Variants in NIN observed in about 807,000 individuals in gnomAD.
NIN encodes ninein.
In NIN, 137 loss-of-function variants were observed where a neutral mutation model predicts 257.6. That is an observed-to-expected ratio of 0.53 (90% CI 0.46 to 0.61). NIN has a LOEUF of 0.61. Among genes scored for constraint, NIN ranks in the 20% least tolerant of loss-of-function variants. NIN has a pLI of 0.00. For missense variants in NIN, 2,439 were observed against 2,501.2 expected (o/e 0.98, Z 0.53); for synonymous variants, 918 against 919.8 (o/e 1.00, Z 0.04).
intron 30 of NIN, among the ~76,000 whole-genome samples, chr14:50,725,280 A>G (rs1340690262): frequency 2.0e-5 from 3 of 152,014 alleles, no homozygotes; most frequent in Non-Finnish European, 2.9e-5. Flanking sequence ...GAGAGGCTAT[A>G]ACACTCTCCC....
At chr14:50,826,968 T>C (rs986025926) in intron 2 of NIN, among the ~76,000 whole-genome samples, 1 of 152,300 alleles carries the variant, frequency 6.6e-6, no homozygotes, top group East Asian at 1.9e-4. Context: ...CAGTGACTCA[T>C]TTACTTACTC....
chr14:50,767,433 C>T (rs1020401006), intron 12 of NIN, among the ~76,000 whole-genome samples: 1 of 152,110 alleles, frequency 6.6e-6, no homozygotes. Context: ...AAAATATTCT[C>T]AATACATAAT....
In NIN at chr14:50,758,330, T is replaced by C; in HGVS notation, c.2700A>G (p.Thr900=). The C allele has an allele frequency of 6.2e-7, 1 of 1,614,266 alleles. No individual in the cohort carries two copies. Among genetic ancestry groups the C allele is most frequent in the Non-Finnish European group, 8.5e-7 (1 of 1,180,044 alleles). ...CCATGCTGTTCAAATGTTCTTTGTA[T>C]GTTTTCTCCAGCATCTCTCTCTCCT... is the stretch of plus-strand genomic sequence containing the variant. ...LTQEREMLEK[T]YKEHLNSMVV... Residue 900 remains threonine, a synonymous_variant, in exon 18 of 31, where the codon ACA becomes ACG. Transcript: ENST00000530997.
chr14:50,762,309 G>A (rs2042303778), intron 15 of NIN, among the ~76,000 whole-genome samples: 1 of 152,158 alleles, frequency 6.6e-6, no homozygotes, highest in African/African-American at 2.4e-5. Context: ...AACAAATACT[G>A]AATGACGATG....
In NIN at chr14:50,744,248, C is replaced by T. The variant is rs751695141; in HGVS notation, c.5182G>A (p.Asp1728Asn). Residue 1728 changes from aspartate (D) to asparagine (N), a missense_variant, in exon 23 of 31, where the codon GAT becomes AAT. By Grantham distance (23) the Asp-to-Asn change is conservative (BLOSUM62 1). This residue lies in a region of NIN where 2,043 missense variants were observed against 2,050.2 expected (regional missense o/e 1.00). Coordinates refer to ENST00000530997, the MANE Select transcript of NIN (RefSeq NM_020921.4). ...ALSEELNSCV[D>N]KLAKSSLLEH... ...AGTCTTATTACTTCTACTACCTTAT[C>T]GACACAGCTATTTAATTCCTCACTC... The T allele has an allele frequency of 2.4e-5, 39 of 1,613,518 alleles. No individual in the cohort carries two copies. Among genetic ancestry groups the T allele is most frequent in the Admixed American group, 3.3e-5 (2 of 59,982 alleles).
chr14:50,723,196 C>A lies in NIN; in HGVS notation c.*267G>T. 2 of 320,698 alleles carry A rather than the reference C, an allele frequency of 6.2e-6. No individual in the cohort carries two copies. Among genetic ancestry groups the A allele is most frequent in the South Asian group, 1.0e-4 (1 of 9,718 alleles). 19.9% of individuals were successfully genotyped at this position (320,698 alleles called of 1,614,324 possible). A position where few individuals can be genotyped will look rare whatever the true frequency, so the allele number is the denominator to read the frequency against. On this transcript the variant is annotated 3_prime_UTR_variant, in exon 31 of 31. Coordinates refer to ENST00000530997, the MANE Select transcript of NIN (RefSeq NM_020921.4). The stretch of plus-strand genomic sequence containing the variant: ...ATTCAAAACTGGTATTTTTTAGGTT[C>A]TTGAATTTTCATATGTCCACATTCT...
In NIN at chr14:50,744,342, A is replaced by T; in HGVS notation, c.5088T>A (p.Ser1696=). Residue 1696 remains serine, a synonymous_variant, in exon 23 of 31, where the codon TCT becomes TCA. Transcript: ENST00000530997. ...CACTAGAGATTTTTTGCTGGAAGTCAGAGAGATCGGGACATCTGTGCAGCT... is the reference window on the plus strand; with the variant it reads ...CACTAGAGATTTTTTGCTGGAAGTCTGAGAGATCGGGACATCTGTGCAGCT... ...MKQLHRCPDL[S]DFQQKISSVL... is the part of the protein sequence containing the mutation. 1 of 1,614,074 alleles carries T rather than the reference A, an allele frequency of 6.2e-7. No individual in the cohort carries two copies.
chr14:50,748,721 G>A (rs1030238106), intron 21 of NIN, among the ~76,000 whole-genome samples: 5 of 152,094 alleles, frequency 3.3e-5, no homozygotes, highest in African/African-American at 4.8e-5. Context: ...TTGCTATAAA[G>A]AGAATAAAAT....
chr14:50,773,752 G>A (rs1394345097), intron 7 of NIN, among the ~76,000 whole-genome samples: 1 of 152,190 alleles, frequency 6.6e-6, no homozygotes, highest in Non-Finnish European at 1.5e-5. Flanking sequence ...GTAAAGGCAA[G>A]GGAGTTTTGA....
rs1167894745 is a variant in NIN, at chr14:50,720,185, A to G, written c.*3278T>C. On this transcript the variant is annotated 3_prime_UTR_variant, in exon 31 of 31. Coordinates refer to ENST00000530997, the MANE Select transcript of NIN (RefSeq NM_020921.4). The stretch of plus-strand genomic sequence containing the variant: ...GATTTTTAAATGAGTGCTTTGGTTA[A>G]TTAGGCTTTGACTTGGTTTTTGGCA... 9.0e-6 allele frequency: 2 copies of G among 223,110 alleles called. No homozygotes were observed. The highest frequency in any genetic ancestry group is 6.5e-5 in the East Asian group (1 of 15,300). The allele number at this position is 223,110 out of a possible 1,614,324, so 13.8% of individuals were successfully genotyped here. A position where few individuals can be genotyped will look rare whatever the true frequency, so the allele number is the denominator to read the frequency against.
rs377630440 is a variant in NIN, at chr14:50,771,370, C to T, written c.1080G>A (p.Ala360=). ...LLVTKNSIHQ[A]ALASFKAEIR... is the part of the protein sequence containing the mutation. ...TTTCAGCCTTAAAGCTGGCCAGAGC[C>T]GCCTGGTGAATGCTGTTCTTGGTAA... The change falls in exon 10 of 31, where the codon GCG becomes GCA. Residue 360 remains alanine, a synonymous_variant. Transcript: ENST00000530997. 7 of 1,614,182 alleles carry T rather than the reference C, an allele frequency of 4.3e-6. No homozygotes were observed. The Admixed American group carries it at 6.7e-5, about 15-fold the overall frequency.
At chr14:50,801,087 CTTTTTT>C (rs141791731) in intron 4 of NIN, among the ~76,000 whole-genome samples, 1 of 88,224 alleles carries the variant, frequency 1.1e-5, no homozygotes, top group Non-Finnish European at 2.3e-5. Context: ...CTGCGCCCGG[CTTTTTT>C]TTTTTTTTTT....
intron 3 of NIN, among the ~76,000 whole-genome samples, chr14:50,807,273 A>G (rs2044373331): frequency 6.6e-6 from 1 of 152,236 alleles, no homozygotes. Flanking sequence ...ACTTGAATAT[A>G]GTCTTCCTTG....
intron 3 of NIN, among the ~76,000 whole-genome samples, chr14:50,812,355 A>C (rs777659190): frequency 1.3e-5 from 2 of 152,162 alleles, no homozygotes; most frequent in Non-Finnish European, 2.9e-5. Flanking sequence ...GCTCAGGCCC[A>C]CTTCCCTCTT....
At chr14:50,784,365 C>T (rs1250160102) in intron 5 of NIN, among the ~76,000 whole-genome samples, 3 of 152,196 alleles carry the variant, frequency 2.0e-5, no homozygotes, top group East Asian at 1.9e-4. Context: ...ACTACTTACT[C>T]GTGGTGTGAC....
rs1485672560 is a variant in NIN, at chr14:50,725,973, C to T, written c.6172G>A (p.Val2058Met). ...KLVKRLLQEK[V>M]NQLKEQLCKN... ...CTCACTTGTTCTTTGAGCTGATTCACTTTCTCTTGAAGAAGCCTTTTCACT... is the reference window on the plus strand; with the variant it reads ...CTCACTTGTTCTTTGAGCTGATTCATTTTCTCTTGAAGAAGCCTTTTCACT... Residue 2058 changes from valine (V) to methionine (M), a missense_variant, in exon 30 of 31, where the codon GTG (valine) becomes ATG (methionine). Physicochemically the swap from Val to Met is conservative, Grantham distance 21. This residue lies in a region of NIN where 2,043 missense variants were observed against 2,050.2 expected (regional missense o/e 1.00). Transcript: ENST00000530997. 1 of 1,614,128 alleles carries T rather than the reference C, an allele frequency of 6.2e-7. No homozygotes were observed. The highest frequency in any genetic ancestry group is 8.5e-7 in the Non-Finnish European group (1 of 1,179,980).
chr14:50,803,024 ACCATCT>A (rs2044164469), intron 4 of NIN, among the ~76,000 whole-genome samples: 1 of 152,180 alleles, frequency 6.6e-6, no homozygotes, highest in Non-Finnish European at 1.5e-5. Flanking sequence ...CTCAAAGACT[ACCATCT>A]CCATTGATTT....
At chr14:50,746,048 A>G (rs555469916) in intron 22 of NIN, among the ~76,000 whole-genome samples, 1 of 152,066 alleles carries the variant, frequency 6.6e-6, no homozygotes, top group South Asian at 2.1e-4. Context: ...AAAAAAAAAA[A>G]AAAAGCAATA....
At position 50,758,306 on chromosome 14, in the gene NIN, CA is replaced by C. The variant is rs1566813720; in HGVS notation, c.2723del (p.Met908ArgfsTer15). 1 of 1,614,116 alleles carries C rather than the reference CA, an allele frequency of 6.2e-7. No homozygotes were observed. Among genetic ancestry groups the C allele is most frequent in the Non-Finnish European group, 8.5e-7 (1 of 1,180,040 alleles). On this transcript the variant is annotated frameshift_variant, in exon 18 of 31. Transcript: ENST00000530997. LOFTEE classifies it high-confidence loss of function. ...EKTYKEHLNS[M>X]VVERQQLLQD... is the part of the protein sequence containing the mutation. ...GGAGTAGCTGCTGTCTCTCGACGAC[CA>C]TGCTGTTCAAATGTTCTTTGTATGT...
Sources: allele counts gnomAD v4.1 joint callset (sites outside exome capture counted in the v4.1 genomes callset), GRCh38; gene constraint gnomAD v4.1.1; regional missense constraint gnomAD v4.1.1; transcripts MANE v1.5; gene names NCBI Gene and HGNC (gene_info 2026-07-23, HGNC 2026-07-21).